GPC6: variants seen among roughly 807,000 people sequenced by gnomAD.
The protein encoded by GPC6 is glypican-6.
Under a neutral mutation model 55.2 loss-of-function variants are expected in GPC6, and 14 were observed. That is an observed-to-expected ratio of 0.25 (90% CI 0.17 to 0.40). The LOEUF is 0.40. Among genes scored for constraint, GPC6 ranks in the 10% least tolerant of loss-of-function variants. The pLI, the probability that GPC6 is intolerant of heterozygous loss-of-function variation, is 1.00. For missense variants in GPC6, 641 were observed against 708.5 expected, an observed-to-expected ratio of 0.90 and a Z score of 1.08; for synonymous variants, 278 against 259.6, an observed-to-expected ratio of 1.07 and a Z score of -0.68.
intron 2 of GPC6, among the ~76,000 whole-genome samples, chr13:93,782,670 G>A (rs1166307987): frequency 6.6e-6 from 1 of 152,026 alleles, no homozygotes; most frequent in Admixed American, 6.6e-5. Context: ...GCATTTACCT[G>A]ATGATTAGTG....
At chr13:93,830,106 G>A (rs376107354) in intron 2 of GPC6, 48 bp from the exon 3 acceptor site, 122 of 1,494,020 alleles carry the variant, frequency 8.2e-5, no homozygotes, top group Admixed American at 6.5e-4. Context: ...GGTGCCTTGG[G>A]CTTTCTAGAT....
chr13:93,340,378 A>C (rs754482784), intron 1 of GPC6, among the ~76,000 whole-genome samples: 6 of 152,144 alleles, frequency 3.9e-5, no homozygotes, highest in Non-Finnish European at 8.8e-5. Flanking sequence ...GCGCATTTTC[A>C]AGGCTCTTGA....
rs188184144 is a variant in GPC6 at position 94,026,944 on chromosome 13, A to G, written c.712-785A>G. Among the ~76,000 whole-genome samples, 229 of 152,340 alleles carry G rather than the reference A, an allele frequency of 1.5e-3. 1 individual carries two copies. The highest frequency in any genetic ancestry group is 5.2e-3 in the African/African-American group (217 of 41,580). On this transcript the variant is annotated intron_variant, in intron 3 of 8. Transcript: ENST00000377047. ...CCATGATGTGGGGATTATGGAAACT[A>G]TAATTCACGATGAGATTTGGGTGGG...
chr13:93,754,075 A>C (rs9524191), intron 2 of GPC6, among the ~76,000 whole-genome samples: 31,742 of 152,110 alleles, frequency 0.21, 3,697 homozygotes, highest in Non-Finnish European at 0.25. Flanking sequence ...CTTCCTTGGA[A>C]GCCAGCATGC....
chr13:94,077,982 G>A lies in GPC6; in HGVS notation c.877+50088G>A, dbSNP rs183637503. Among the ~76,000 whole-genome samples the A allele has an allele frequency of 2.0e-3, 306 of 151,638 alleles. 1 individual carries two copies. Among genetic ancestry groups the A allele is most frequent in the Non-Finnish European group, 1.3e-3 (90 of 67,748 alleles). Reference sequence around the variant, plus strand: ...ATACACATTCTTTCTAAGTGCATGCGGAACATTCTTCAAGATGGATCACAT... The same window carrying A: ...ATACACATTCTTTCTAAGTGCATGCAGAACATTCTTCAAGATGGATCACAT... On this transcript the variant is annotated intron_variant, in intron 4 of 8. Transcript: ENST00000377047.
chr13:93,802,404 C>CT (rs35117038), intron 2 of GPC6, among the ~76,000 whole-genome samples: 107 of 148,006 alleles, frequency 7.2e-4, no homozygotes, highest in Middle Eastern at 3.5e-3. Flanking sequence ...AAAAAAAGTA[C>CT]TTTTTTTTTT....
At chr13:93,397,957 A>G (rs960886312) in intron 1 of GPC6, among the ~76,000 whole-genome samples, 35 of 152,210 alleles carry the variant, frequency 2.3e-4, no homozygotes, top group Non-Finnish European at 4.1e-4. Flanking sequence ...AAGGGATTAT[A>G]TGAAACTAAG....
chr13:93,272,490 G>GTATATATATATATATATA (rs71202576), intron 1 of GPC6, among the ~76,000 whole-genome samples: 6 of 95,418 alleles, frequency 6.3e-5, no homozygotes, highest in African/African-American at 2.7e-4. Flanking sequence ...CATTGTCTGT[G>GTATATATATATATATATA]TGTATATATA....
At chr13:93,602,740 C>T (rs1397885883) in intron 2 of GPC6, among the ~76,000 whole-genome samples, 1 of 152,098 alleles carries the variant, frequency 6.6e-6, no homozygotes, top group African/African-American at 2.4e-5. Flanking sequence ...ATTTTAAAAA[C>T]ACTATTTAAA....
chr13:94,373,858 C>T (rs1390434633), intron 6 of GPC6, among the ~76,000 whole-genome samples: 9 of 152,050 alleles, frequency 5.9e-5, no homozygotes, highest in Non-Finnish European at 8.8e-5. Flanking sequence ...AGACTAACAG[C>T]GGATCTCTCG....
At chr13:93,380,835 G>A (rs1875135660) in intron 1 of GPC6, among the ~76,000 whole-genome samples, 1 of 152,036 alleles carries the variant, frequency 6.6e-6, no homozygotes, top group Non-Finnish European at 1.5e-5. Flanking sequence ...GACACCCCAT[G>A]CAATATTGGC....
chr13:94,371,105 C>G (rs142423684), intron 6 of GPC6, among the ~76,000 whole-genome samples: 10 of 152,290 alleles, frequency 6.6e-5, no homozygotes, highest in African/African-American at 2.4e-4. Flanking sequence ...AATACACCAG[C>G]AGCAAGTTAA....
intron 4 of GPC6, among the ~76,000 whole-genome samples, chr13:94,081,676 G>A (rs1211886129): frequency 6.6e-6 from 1 of 152,102 alleles, no homozygotes; most frequent in Non-Finnish European, 1.5e-5. Context: ...GGAAAACAAT[G>A]TGGCTAGAAG....
intron 4 of GPC6, among the ~76,000 whole-genome samples, chr13:94,134,801 C>G (rs1157402118): frequency 6.6e-6 from 1 of 152,158 alleles, no homozygotes; most frequent in Non-Finnish European, 1.5e-5. Context: ...GGTCACTCCT[C>G]CCATCCTTTT....
chr13:93,922,214 C>A (rs1877612513), intron 3 of GPC6, among the ~76,000 whole-genome samples: 1 of 152,162 alleles, frequency 6.6e-6, no homozygotes, highest in Admixed American at 6.6e-5. Flanking sequence ...TAAACAAATG[C>A]CTCCTTGATT....
At chr13:94,128,339 C>T (rs1419704650) in intron 4 of GPC6, among the ~76,000 whole-genome samples, 5 of 152,144 alleles carry the variant, frequency 3.3e-5, no homozygotes, top group African/African-American at 1.2e-4. Flanking sequence ...TAGTTGTGTA[C>T]TTTTTAATAG....
At chr13:93,763,502 T>C (rs1200439728) in intron 2 of GPC6, among the ~76,000 whole-genome samples, 1 of 152,152 alleles carries the variant, frequency 6.6e-6, no homozygotes, top group Non-Finnish European at 1.5e-5. Flanking sequence ...GCACCTACTC[T>C]CTCGGAGAGG....
chr13:93,869,107 C>T (rs1889053078), intron 3 of GPC6, among the ~76,000 whole-genome samples: 1 of 151,776 alleles, frequency 6.6e-6, no homozygotes, highest in South Asian at 2.1e-4. Flanking sequence ...AAGTGATTAG[C>T]CCTTTAATAC....
chr13:93,728,758 C>A (rs1365977343), intron 2 of GPC6, among the ~76,000 whole-genome samples: 2 of 151,598 alleles, frequency 1.3e-5, no homozygotes, highest in Non-Finnish European at 2.9e-5. Flanking sequence ...GTAGAGACAG[C>A]ATTTCACCAT....
Sources: gnomAD v4.1 joint callset for allele counts (sites outside exome capture counted in the v4.1 genomes callset) on GRCh38, gnomAD v4.1.1 for gene constraint, MANE v1.5 for transcripts, NCBI Gene and HGNC (gene_info 2026-07-23, HGNC 2026-07-21) for gene names.